The following DNAH14 variants were observed in gnomAD, a reference collection of about 807,000 sequenced individuals.
DNAH14 encodes dynein axonemal heavy chain 14.
Under a neutral mutation model 520.9 loss-of-function variants are expected in DNAH14, and 478 were observed. That is an observed-to-expected ratio of 0.92 (90% confidence interval 0.85 to 0.99). The LOEUF is 0.99. Ranked by LOEUF, DNAH14 falls within the 50% of genes least tolerant of loss-of-function variation. DNAH14 has a pLI of 0.00. For synonymous variants in DNAH14, 1,581 were observed against 1,757.2 expected, an observed-to-expected ratio of 0.90 and a Z score of 2.51; for missense variants, 4,831 against 5,234.5, an observed-to-expected ratio of 0.92 and a Z score of 2.38.
chr1:225,300,819 G>C (rs1406207204), intron 55 of DNAH14, 50 bp from the exon 56 acceptor site: 3 of 1,515,950 alleles, frequency 2.0e-6, no homozygotes, highest in Non-Finnish European at 2.7e-6. Flanking sequence ...GGTTAGGGTA[G>C]AATATATGAA....
At chr1:225,135,843 GT>G (rs2078905909) in intron 27 of DNAH14, among the ~76,000 whole-genome samples, 1 of 149,588 alleles carries the variant, frequency 6.7e-6, no homozygotes, top group African/African-American at 2.6e-5. Flanking sequence ...GGGTCCTCCT[GT>G]TTTGGGTGCA....
At chr1:225,244,411 A>T (rs2092152879) in intron 43 of DNAH14, among the ~76,000 whole-genome samples, 1 of 152,176 alleles carries the variant, frequency 6.6e-6, no homozygotes, top group African/African-American at 2.4e-5. Context: ...TGTTTGGAAT[A>T]GTTTCAGAAG....
intron 1 of DNAH14, among the ~76,000 whole-genome samples, chr1:224,931,542 T>G (rs2058700169): frequency 1.3e-5 from 2 of 152,186 alleles, no homozygotes; most frequent in Non-Finnish European, 2.9e-5. Flanking sequence ...ACTGAGTCTT[T>G]GTACCCTTAA....
At chr1:224,931,007 CATT>C (rs1026169131) in intron 1 of DNAH14, among the ~76,000 whole-genome samples, 1 of 152,150 alleles carries the variant, frequency 6.6e-6, no homozygotes, top group Non-Finnish European at 1.5e-5. Context: ...CAGAAGAAGG[CATT>C]GTTATCATAG....
chr1:225,344,348 T>C (rs779881351), intron 69 of DNAH14, among the ~76,000 whole-genome samples: 1 of 152,102 alleles, frequency 6.6e-6, no homozygotes, highest in Non-Finnish European at 1.5e-5. Context: ...CCAGTACCCA[T>C]TAGTTATTTT....
intron 49 of DNAH14, among the ~76,000 whole-genome samples, chr1:225,267,307 T>C (rs1842336): frequency 0.051 from 7,527 of 148,612 alleles, 423 homozygotes; most frequent in African/African-American, 0.17. Context: ...TTTTTTTTTT[T>C]TTTTTGAGAT....
intron 77 of DNAH14, among the ~76,000 whole-genome samples, chr1:225,373,584 G>A (rs924268614): frequency 2.6e-5 from 4 of 151,942 alleles, no homozygotes; most frequent in Non-Finnish European, 5.9e-5. Context: ...GAAGGAGAGA[G>A]AAGAAAAGAA....
chr1:225,101,027 T>G, intron 23 of DNAH14, 143 bp downstream of exon 23: 1 of 574,064 alleles, frequency 1.7e-6, no homozygotes, highest in Non-Finnish European at 2.9e-6. Context: ...TCTCACTACC[T>G]ATAGAGTTAA....
chr1:225,217,900 C>A (rs1296074102), intron 41 of DNAH14, among the ~76,000 whole-genome samples: 4 of 152,162 alleles, frequency 2.6e-5, no homozygotes, highest in Admixed American at 2.6e-4. Context: ...TACTGTCTGC[C>A]AAGCCCCAGT....
intron 54 of DNAH14, among the ~76,000 whole-genome samples, chr1:225,280,367 A>G (rs77774828): frequency 0.055 from 8,423 of 152,250 alleles, 315 homozygotes; most frequent in Non-Finnish European, 0.073. Context: ...TGGAAGGCCA[A>G]GGCAGGTGGA....
chr1:225,032,842 GCT>G (rs1470774148), intron 11 of DNAH14, among the ~76,000 whole-genome samples: 2 of 152,084 alleles, frequency 1.3e-5, no homozygotes, highest in Admixed American at 1.3e-4. Flanking sequence ...GTGATATTGA[GCT>G]CTTTTTCGTA....
chr1:225,015,919 G>C (rs1225840776), intron 10 of DNAH14, among the ~76,000 whole-genome samples: 1 of 152,058 alleles, frequency 6.6e-6, no homozygotes, highest in Admixed American at 6.6e-5. Context: ...TTCCAGAGTC[G>C]GCCACTCATC....
At chr1:225,028,156 G>A (rs905149571) in intron 11 of DNAH14, among the ~76,000 whole-genome samples, 1 of 151,936 alleles carries the variant, frequency 6.6e-6, no homozygotes, top group African/African-American at 2.4e-5. Flanking sequence ...GAATGAATTG[G>A]GTAGCATTAT....
chr1:225,024,430 T>C (rs1272215050), intron 11 of DNAH14: 2 of 185,456 alleles, frequency 1.1e-5, no homozygotes, highest in Non-Finnish European at 2.0e-5. Flanking sequence ...ATATATCTAC[T>C]GTAACTGGTG....
chr1:225,152,825 C>G lies in DNAH14; in HGVS notation c.5138C>G (p.Ser1713Ter), dbSNP rs1470458142. 6.4e-7 allele frequency: 1 copy of G among 1,551,360 alleles called. No homozygotes were observed. Among genetic ancestry groups the G allele is most frequent in the Admixed American group, 2.0e-5 (1 of 50,982 alleles). The change falls in exon 33 of 86, where the codon TCA (serine) becomes TGA (stop). Residue 1713 changes from serine (S) to a stop codon, truncating the protein, a stop_gained. Transcript: ENST00000682510. LOFTEE classifies it high-confidence loss of function. ...LFSFGFKSAN[S>*]LSGKLTNLYE... Reference sequence around the variant, plus strand: ...TCATTTGGTTTCAAATCTGCAAATTCACTCTCTGGAAAGCTAACTAACCTT... The same window carrying G: ...TCATTTGGTTTCAAATCTGCAAATTGACTCTCTGGAAAGCTAACTAACCTT...
chr1:225,098,183 CAG>C (rs1442960366), intron 22 of DNAH14, among the ~76,000 whole-genome samples: 1 of 150,758 alleles, frequency 6.6e-6, no homozygotes, highest in Non-Finnish European at 1.5e-5. Flanking sequence ...AACCATACCA[CAG>C]AGAGAGACTG....
At chr1:225,276,681 T>G (rs1283969097) in intron 53 of DNAH14, among the ~76,000 whole-genome samples, 1 of 151,922 alleles carries the variant, frequency 6.6e-6, no homozygotes, top group East Asian at 1.9e-4. Flanking sequence ...GAGGATCACT[T>G]GAGCCCAGGA....
At position 225,388,477 on chromosome 1, in the gene DNAH14, T is replaced by C; in HGVS notation, c.13176T>C (p.Thr4392=). The part of the protein sequence containing the change: ...FFNTWAKVAY[T]AIQRRYMRFV... Reference sequence around the variant, plus strand: ...ATACTTGGGCCAAAGTGGCTTATACTGCAATACAGCGTCGGTATGGATAAA... The same window carrying C: ...ATACTTGGGCCAAAGTGGCTTATACCGCAATACAGCGTCGGTATGGATAAA... The change falls in exon 82 of 86, where the codon ACT becomes ACC. Residue 4392 remains threonine (T), a synonymous_variant. Coordinates refer to ENST00000682510, the MANE Select transcript of DNAH14 (RefSeq NM_001367479.1). 6.6e-7 allele frequency: 1 copy of C among 1,509,402 alleles called. No homozygotes were observed. The highest frequency in any genetic ancestry group is 9.0e-7 in the Non-Finnish European group (1 of 1,113,512). 93.5% of individuals were successfully genotyped at this position (1,509,402 alleles called of 1,614,324 possible).
At chr1:225,076,607 A>T (rs2072308155) in intron 17 of DNAH14, among the ~76,000 whole-genome samples, 1 of 152,132 alleles carries the variant, frequency 6.6e-6, no homozygotes, top group African/African-American at 2.4e-5. Context: ...TGACACTATG[A>T]ACCAAATTTC....
Sources: allele counts gnomAD v4.1 joint callset (sites outside exome capture counted in the v4.1 genomes callset), GRCh38; gene constraint gnomAD v4.1.1; transcripts MANE v1.5; gene names NCBI Gene and HGNC (gene_info 2026-07-23, HGNC 2026-07-21).